The following C4orf51 variants were observed in gnomAD, a reference collection of about 807,000 sequenced individuals.
C4orf51 encodes the protein uncharacterized protein C4orf51.
In C4orf51, 25 loss-of-function variants were observed where a neutral mutation model predicts 25.2. That is an observed-to-expected ratio of 0.99 (90% CI 0.72 to 1.39). C4orf51 has a LOEUF of 1.39. C4orf51 is among the 40% of genes most tolerant of loss of function. The probability of loss-of-function intolerance (pLI) is 0.00; values close to 1 mark genes in which losing one functional copy is unlikely to be tolerated. For synonymous variants in C4orf51, 100 were observed against 84.5 expected (o/e 1.18, Z -1.01); for missense variants, 252 against 239.6 (o/e 1.05, Z -0.34).
chr4:145,693,296 C>T (rs1448908014), intron 1 of C4orf51, among the ~76,000 whole-genome samples: 1 of 150,924 alleles, frequency 6.6e-6, no homozygotes, highest in East Asian at 2.0e-4. Context: ...CGCCCTTAAT[C>T]CATTTAACCC....
intron 1 of C4orf51, among the ~76,000 whole-genome samples, chr4:145,685,401 G>A (rs1729086395): frequency 6.6e-6 from 1 of 152,168 alleles, no homozygotes; most frequent in Non-Finnish European, 1.5e-5. Flanking sequence ...AAAGAAGGAA[G>A]GGGTTTATTC....
rs868070499 is a variant in C4orf51 at position 145,694,662 on chromosome 4, C to T, written c.234-1897C>T. ...GGAGGGAGGTGGGGGGGTCAGCCCT[C>T]CGCCCGGCCAGCCGCCCCGTCGGGG... On this transcript the variant is annotated intron_variant, in intron 1 of 5. Transcript: ENST00000438731. Among the ~76,000 whole-genome samples the T allele has an allele frequency of 2.1e-4, 28 of 131,820 alleles. 2 individuals are homozygous for T. The highest frequency in any genetic ancestry group is 1.2e-3 in the Admixed American group (16 of 13,170). The allele number at this position is 131,820 out of a possible 152,430, so 86.5% of individuals were successfully genotyped here.
At chr4:145,791,037 T>A in the C4orf51 span, among the ~76,000 whole-genome samples, 1 of 152,230 alleles carries the variant, frequency 6.6e-6, no homozygotes, top group East Asian at 1.9e-4. Context: ...TATGTAATTA[T>A]TTTTCCTCAG....
chr4:145,766,092 A>G (rs1365926029), intron 1 of C4orf51, among the ~76,000 whole-genome samples: 1 of 152,218 alleles, frequency 6.6e-6, no homozygotes, highest in Non-Finnish European at 1.5e-5. Flanking sequence ...CCTGTGTGGC[A>G]CAACTGTTAT....
intron 2 of C4orf51, among the ~76,000 whole-genome samples, chr4:145,705,806 G>C (rs977328905): frequency 6.6e-6 from 1 of 152,126 alleles, no homozygotes; most frequent in African/African-American, 2.4e-5. Flanking sequence ...AAACAGATAG[G>C]ATTATTAGAA....
chr4:145,775,839 G>A (rs140296430), downstream of C4orf51: 33 of 1,614,034 alleles, frequency 2.0e-5, no homozygotes, highest in South Asian at 1.1e-4. Flanking sequence ...AGGTGACGGC[G>A]CTGACAATGT....
intron 1 of C4orf51, chr4:145,764,851 G>T (rs763492794): frequency 8.6e-7 from 1 of 1,169,544 alleles, no homozygotes; most frequent in East Asian, 2.4e-5. Context: ...GGCAGCAGGG[G>T]TTCCTGACTA....
intron 2 of C4orf51, among the ~76,000 whole-genome samples, chr4:145,704,294 G>A (rs1208602011): frequency 6.6e-6 from 1 of 152,148 alleles, no homozygotes; most frequent in East Asian, 1.9e-4. Context: ...ACCTCTCCTG[G>A]ATCTGGGAGA....
downstream of C4orf51, chr4:145,774,723 C>G (rs1736788333): frequency 6.3e-7 from 1 of 1,578,406 alleles, no homozygotes; most frequent in African/African-American, 1.3e-5. Flanking sequence ...GTGACACATA[C>G]TTCTAAATGT....
intron 1 of C4orf51, among the ~76,000 whole-genome samples, chr4:145,744,562 C>T (rs997136811): frequency 6.6e-6 from 1 of 151,426 alleles, no homozygotes; most frequent in African/African-American, 2.4e-5. Context: ...TGGCTCACAC[C>T]TCTAATCCCA....
intron 1 of C4orf51, among the ~76,000 whole-genome samples, chr4:145,690,587 G>A (rs10019983): frequency 0.61 from 92,430 of 151,992 alleles, 29,194 homozygotes; most frequent in African/African-American, 0.78. Context: ...AGAATTCATG[G>A]CTAAGTCCTC....
intron 2 of C4orf51, among the ~76,000 whole-genome samples, chr4:145,719,008 G>C (rs985727405): frequency 1.3e-5 from 2 of 152,138 alleles, no homozygotes; most frequent in African/African-American, 4.8e-5. Context: ...CTTGATGCCT[G>C]CTTTGCTTTC....
intron 1 of C4orf51, among the ~76,000 whole-genome samples, chr4:145,685,675 T>C (rs1032448957): frequency 3.9e-5 from 6 of 152,240 alleles, no homozygotes; most frequent in Non-Finnish European, 8.8e-5. Context: ...TGGTCGATCT[T>C]TAACTACCAG....
intron 4 of C4orf51, 22 bp from the exon 5 acceptor site, chr4:145,729,870 A>G (rs1732363255): frequency 6.2e-7 from 1 of 1,604,046 alleles, no homozygotes; most frequent in Non-Finnish European, 8.5e-7. Flanking sequence ...ACACTCACAC[A>G]TTGGCTATCT....
intron 2 of C4orf51, among the ~76,000 whole-genome samples, chr4:145,697,975 A>G (rs573275855): frequency 6.6e-6 from 1 of 152,298 alleles, no homozygotes; most frequent in South Asian, 2.1e-4. Flanking sequence ...CTTTTCACAC[A>G]TCTTTGATAA....
chr4:145,714,252 T>A (rs1731279842), intron 2 of C4orf51, among the ~76,000 whole-genome samples: 1 of 152,242 alleles, frequency 6.6e-6, no homozygotes, highest in Non-Finnish European at 1.5e-5. Context: ...TAAAGTACGC[T>A]TGTAAACAAT....
downstream of C4orf51, among the ~76,000 whole-genome samples, chr4:145,737,536 A>C (rs1419441980): frequency 6.6e-6 from 1 of 152,162 alleles, no homozygotes; most frequent in Non-Finnish European, 1.5e-5. Context: ...CATCTTTGGT[A>C]GATTTTCTTT....
At chr4:145,747,993 T>A (rs1333790024) in intron 1 of C4orf51, among the ~76,000 whole-genome samples, 2 of 152,142 alleles carry the variant, frequency 1.3e-5, no homozygotes, top group Non-Finnish European at 2.9e-5. Flanking sequence ...GAAGCCATCA[T>A]GTCTCAGGCT....
At chr4:145,688,888 A>G (rs977435720) in intron 1 of C4orf51, among the ~76,000 whole-genome samples, 2 of 150,612 alleles carry the variant, frequency 1.3e-5, no homozygotes, top group Non-Finnish European at 2.9e-5. Context: ...CAAAATAAAT[A>G]AACAAACAAA....
Sources: gnomAD v4.1 joint callset for allele counts (sites outside exome capture counted in the v4.1 genomes callset) on GRCh38, gnomAD v4.1.1 for gene constraint, MANE v1.5 for transcripts, NCBI Gene and HGNC (gene_info 2026-07-23, HGNC 2026-07-21) for gene names.